C8orf34: variants seen among roughly 807,000 people sequenced by gnomAD.
C8orf34 encodes the protein chromosome 8 open reading frame 34.
A neutral mutation model predicts 68.3 loss-of-function variants in C8orf34; 65 were observed. The observed-to-expected ratio is 0.95, with a 90% CI of 0.78 to 1.17. C8orf34 has a LOEUF of 1.17. Among genes scored for constraint, C8orf34 ranks in the 50% most tolerant of loss-of-function variants. The pLI is 0.00. For missense variants in C8orf34, 664 were observed against 655.4 expected, an observed-to-expected ratio of 1.01 and a Z score of -0.14; for synonymous variants, 244 against 241.2, an observed-to-expected ratio of 1.01 and a Z score of -0.11.
chr8:68,391,620 G>A (rs1463083005), intron 1 of C8orf34, among the ~76,000 whole-genome samples: 4 of 152,146 alleles, frequency 2.6e-5, no homozygotes, highest in Non-Finnish European at 4.4e-5. Context: ...AGTCCAGCAA[G>A]ATACTGTCAC....
chr8:68,680,606 G>A (rs1026808745), intron 8 of C8orf34, among the ~76,000 whole-genome samples: 72 of 151,998 alleles, frequency 4.7e-4, no homozygotes, highest in African/African-American at 1.7e-3. Context: ...TACTAATAAG[G>A]GTCTAACAAA....
intron 5 of C8orf34, among the ~76,000 whole-genome samples, chr8:68,517,318 T>G (rs374173788): frequency 1.3e-5 from 2 of 152,150 alleles, no homozygotes; most frequent in East Asian, 3.9e-4. Context: ...AAAGGCTATA[T>G]TCAAAATTTT....
At chr8:68,535,257 G>A (rs1019685969) in intron 7 of C8orf34, 1 of 979,556 alleles carries the variant, frequency 1.0e-6, no homozygotes, top group African/African-American at 1.8e-5. Context: ...ATCATTGTAA[G>A]ATGCAATAGA....
At chr8:68,815,297 GC>G (rs1364363669) in intron 12 of C8orf34, among the ~76,000 whole-genome samples, 2 of 151,946 alleles carry the variant, frequency 1.3e-5, no homozygotes, top group African/African-American at 2.4e-5. Context: ...ATCACATTTA[GC>G]CTATAATGCT....
chr8:68,483,627 C>G (rs1812953027), intron 4 of C8orf34, among the ~76,000 whole-genome samples: 1 of 152,172 alleles, frequency 6.6e-6, no homozygotes, highest in South Asian at 2.1e-4. Context: ...ATTCCCAGAA[C>G]TGGGTTGATC....
At chr8:68,358,848 C>A (rs1806862757) in intron 1 of C8orf34, among the ~76,000 whole-genome samples, 1 of 151,730 alleles carries the variant, frequency 6.6e-6, no homozygotes. Flanking sequence ...CAGGTGTGCG[C>A]CACCACATCT....
At chr8:68,682,926 C>T (rs527739790) in intron 8 of C8orf34, among the ~76,000 whole-genome samples, 7 of 152,062 alleles carry the variant, frequency 4.6e-5, no homozygotes, top group African/African-American at 7.2e-5. Flanking sequence ...AAATGTTTCG[C>T]GCGGCTGTAC....
intron 7 of C8orf34, among the ~76,000 whole-genome samples, chr8:68,587,389 T>A (rs1489641709): frequency 1.3e-5 from 2 of 152,150 alleles, no homozygotes; most frequent in African/African-American, 2.4e-5. Context: ...TGCTTTTTCA[T>A]CTTGTTATGT....
chr8:68,475,189 T>C (rs1217650945), intron 4 of C8orf34, among the ~76,000 whole-genome samples: 2 of 152,244 alleles, frequency 1.3e-5, no homozygotes, highest in Non-Finnish European at 2.9e-5. Flanking sequence ...GCAAGCCATA[T>C]TTACTTTTCT....
At chr8:68,571,999 T>C (rs928595571) in intron 7 of C8orf34, among the ~76,000 whole-genome samples, 6 of 152,192 alleles carry the variant, frequency 3.9e-5, no homozygotes, top group Non-Finnish European at 7.3e-5. Context: ...CTACTGTGTA[T>C]GTAGGCTATA....
At chr8:68,364,785 A>G (rs1807167146) in intron 1 of C8orf34, among the ~76,000 whole-genome samples, 1 of 149,560 alleles carries the variant, frequency 6.7e-6, no homozygotes, top group African/African-American at 2.5e-5. Context: ...TGCCCACAAG[A>G]GAAAGCAGGA....
intron 10 of C8orf34, among the ~76,000 whole-genome samples, chr8:68,759,568 C>G (rs1210775238): frequency 6.6e-6 from 1 of 152,144 alleles, no homozygotes; most frequent in Non-Finnish European, 1.5e-5. Context: ...TTACAGAATG[C>G]CAAGAAGTAC....
chr8:68,524,339 A>G (rs1427005972), intron 6 of C8orf34, among the ~76,000 whole-genome samples: 2 of 152,112 alleles, frequency 1.3e-5, no homozygotes, highest in African/African-American at 4.8e-5. Context: ...CCCAAATATG[A>G]CATTGTATGA....
intron 8 of C8orf34, among the ~76,000 whole-genome samples, chr8:68,679,806 G>A (rs1820312170): frequency 6.6e-6 from 1 of 152,100 alleles, no homozygotes; most frequent in Admixed American, 6.6e-5. Flanking sequence ...TTTCAACAAA[G>A]GTGCCAAGAA....
chr8:68,349,993 T>A (rs891626900), intron 1 of C8orf34, among the ~76,000 whole-genome samples: 4 of 151,964 alleles, frequency 2.6e-5, no homozygotes, highest in Non-Finnish European at 4.4e-5. Context: ...TTGTTATTTC[T>A]CATCTTCTCC....
rs144693255 is a variant in C8orf34, at chr8:68,640,403, G to A, written c.1133G>A (p.Gly378Glu). The A allele has an allele frequency of 1.2e-6, 2 of 1,613,718 alleles. No homozygotes were observed. Among genetic ancestry groups the A allele is most frequent in the Non-Finnish European group, 1.7e-6 (2 of 1,179,780 alleles). ...LEDLNDLRME[G>E]VTTLVPSGSK... ...GATCTTAATGATTTAAGAATGGAGG[G>A]AGTAACAACCCTGGTACCTTCTGGG... Residue 378 changes from glycine (G) to glutamate (E), a missense_variant, in exon 8 of 14, where the codon GGA becomes GAA. By Grantham distance (98) the Gly-to-Glu change is moderately conservative. Transcript: ENST00000518698.
chr8:68,655,281 C>G (rs1460003635), intron 8 of C8orf34, among the ~76,000 whole-genome samples: 4 of 152,024 alleles, frequency 2.6e-5, no homozygotes, highest in African/African-American at 4.8e-5. Context: ...AATAGCTGTA[C>G]CAGCTACTAA....
intron 4 of C8orf34, among the ~76,000 whole-genome samples, chr8:68,482,310 G>A (rs1812893520): frequency 6.6e-6 from 1 of 152,184 alleles, no homozygotes; most frequent in African/African-American, 2.4e-5. Context: ...CCCAGTTTCA[G>A]GTATGTCTTT....
intron 1 of C8orf34, among the ~76,000 whole-genome samples, chr8:68,435,540 T>A (rs1810628223): frequency 6.6e-6 from 1 of 152,176 alleles, no homozygotes; most frequent in South Asian, 2.1e-4. Flanking sequence ...CTCATAGCTA[T>A]CTCAGTCAGC....
Sources: gnomAD v4.1 joint callset for allele counts (sites outside exome capture counted in the v4.1 genomes callset) on GRCh38, gnomAD v4.1.1 for gene constraint, MANE v1.5 for transcripts, NCBI Gene and HGNC (gene_info 2026-07-23, HGNC 2026-07-21) for gene names.